MYZAP: variants seen among roughly 807,000 people sequenced by gnomAD.
MYZAP encodes myocardial zonula adherens protein.
MYZAP carries 66 observed loss-of-function variants against 69.4 expected under a neutral mutation model. The ratio of observed to expected loss-of-function variants is 0.95; its 90% CI spans 0.78 to 1.17. MYZAP has a LOEUF of 1.17. MYZAP is among the 50% of genes most tolerant of loss of function. The probability of loss-of-function intolerance (pLI) is 0.00; values close to 1 mark genes in which losing one functional copy is unlikely to be tolerated. For missense variants in MYZAP, 611 were observed against 556.2 expected (o/e 1.10, Z -0.99); for synonymous variants, 256 against 205.9 (o/e 1.24, Z -2.09).
intron 10 of MYZAP, among the ~76,000 whole-genome samples, chr15:57,650,432 A>G (rs1159333699): frequency 2.0e-5 from 3 of 152,166 alleles, no homozygotes; most frequent in Non-Finnish European, 4.4e-5. Flanking sequence ...ATTTAAACTC[A>G]TTTGAACTTG....
At chr15:57,605,890 T>A (rs76020636) in intron 2 of MYZAP, among the ~76,000 whole-genome samples, 259 of 151,828 alleles carry the variant, frequency 1.7e-3, no homozygotes, top group African/African-American at 6.0e-3. Flanking sequence ...AGCTGGAGCA[T>A]CAAAAAGAAT....
chr15:57,642,592 C>T (rs1255853847), intron 10 of MYZAP, among the ~76,000 whole-genome samples: 1 of 152,140 alleles, frequency 6.6e-6, no homozygotes, highest in East Asian at 1.9e-4. Flanking sequence ...GAAGTCTCGT[C>T]TCCATCCATT....
chr15:57,604,538 C>A (rs529197267), intron 2 of MYZAP, among the ~76,000 whole-genome samples, 183 bp downstream of exon 2: 1 of 152,152 alleles, frequency 6.6e-6, no homozygotes, highest in Non-Finnish European at 1.5e-5. Context: ...TCTCCCTAGC[C>A]GGCTCTGCCA....
intron 11 of MYZAP, among the ~76,000 whole-genome samples, chr15:57,673,798 G>A (rs908132170): frequency 6.6e-6 from 1 of 152,104 alleles, no homozygotes; most frequent in Admixed American, 6.6e-5. Context: ...ATGAGCTTCT[G>A]TCTCCATAGA....
chr15:57,628,486 C>G (rs2036291781), intron 5 of MYZAP, among the ~76,000 whole-genome samples: 1 of 152,046 alleles, frequency 6.6e-6, no homozygotes. Flanking sequence ...ACTCCAGGCT[C>G]AGGTGCTCCT....
At chr15:57,650,814 C>G (rs1177768579) in intron 10 of MYZAP, among the ~76,000 whole-genome samples, 1 of 151,950 alleles carries the variant, frequency 6.6e-6, no homozygotes, top group East Asian at 1.9e-4. Flanking sequence ...ACATGTCAGA[C>G]AAGATATAGA....
chr15:57,653,201 A>G (rs1241971576), intron 10 of MYZAP, among the ~76,000 whole-genome samples: 2 of 152,204 alleles, frequency 1.3e-5, no homozygotes, highest in African/African-American at 4.8e-5. Context: ...TGATTTTGAA[A>G]ACAATGAAAT....
At chr15:57,631,759 C>G (rs2036519999) in intron 6 of MYZAP, among the ~76,000 whole-genome samples, 1 of 152,204 alleles carries the variant, frequency 6.6e-6, no homozygotes, top group African/African-American at 2.4e-5. Context: ...AAGAATGCTT[C>G]CCTTTTCCAG....
intron 10 of MYZAP, among the ~76,000 whole-genome samples, chr15:57,654,002 CAAAAAAAAAAAAAAAA>C (rs398043344): frequency 2.8e-5 from 1 of 36,084 alleles, no homozygotes; most frequent in African/African-American, 1.3e-4. Context: ...CAAACGCTGT[CAAAAAAAAAAAAAAAA>C]AAAAAAAAAA....
chr15:57,619,292 T>C (rs148370484), intron 3 of MYZAP, among the ~76,000 whole-genome samples: 2,253 of 152,348 alleles, frequency 0.015, 30 homozygotes, highest in South Asian at 0.045. Flanking sequence ...ATAATGTATA[T>C]GACAGCCACC....
chr15:57,663,410 G>A (rs1048091118), intron 11 of MYZAP, among the ~76,000 whole-genome samples: 1 of 152,174 alleles, frequency 6.6e-6, no homozygotes, highest in African/African-American at 2.4e-5. Context: ...TCTGGGAGGC[G>A]ATCTCAGGAA....
chr15:57,626,121 C>A (rs1367782695), intron 5 of MYZAP, among the ~76,000 whole-genome samples: 1 of 152,166 alleles, frequency 6.6e-6, no homozygotes, highest in African/African-American at 2.4e-5. Context: ...GAAATTTAGA[C>A]CCCGAGTTTA....
intron 12 of MYZAP, among the ~76,000 whole-genome samples, chr15:57,681,196 T>G (rs1414206608): frequency 2.6e-5 from 4 of 152,212 alleles, no homozygotes; most frequent in Admixed American, 6.5e-5. Context: ...TTGGCACAAA[T>G]AGCCATCTGG....
At chr15:57,616,978 T>A (rs1276224413) in intron 2 of MYZAP, among the ~76,000 whole-genome samples, 1 of 151,792 alleles carries the variant, frequency 6.6e-6, no homozygotes. Flanking sequence ...TAGGGAAAAC[T>A]GAGAGAAGGT....
intron 10 of MYZAP, among the ~76,000 whole-genome samples, chr15:57,652,824 A>G (rs1403255076): frequency 1.3e-5 from 2 of 152,194 alleles, no homozygotes; most frequent in East Asian, 3.8e-4. Flanking sequence ...GGGGATCTTC[A>G]AAGTATTTCC....
intron 6 of MYZAP, among the ~76,000 whole-genome samples, chr15:57,631,541 G>T (rs1490513090): frequency 6.6e-6 from 1 of 151,548 alleles, no homozygotes; most frequent in Non-Finnish European, 1.5e-5. Flanking sequence ...TCCAGGGACA[G>T]AGCCCTTCCA....
rs1257382673 is a variant in MYZAP at position 57,592,135 on chromosome 15, G to A, written c.75+26G>A. On this transcript the variant is annotated intron_variant, in intron 1 of 12. Transcript: ENST00000267853. ...GTGAGTAGCGGGGGCGGGAGCCGCC[G>A]CCGTCCCGTTCCCCCATCCCGGCCG... The A allele has an allele frequency of 5.4e-6, 7 of 1,289,004 alleles. No individual in the cohort carries two copies. The African/African-American group carries it at 9.3e-5, about 17-fold the overall frequency. 79.8% of individuals were successfully genotyped at this position (1,289,004 alleles called of 1,614,324 possible). A position where few individuals can be genotyped will look rare whatever the true frequency, so the allele number is the denominator to read the frequency against.
chr15:57,665,366 C>G (rs145076082), intron 11 of MYZAP, among the ~76,000 whole-genome samples: 2 of 152,238 alleles, frequency 1.3e-5, no homozygotes, highest in African/African-American at 4.8e-5. Flanking sequence ...GGATTCATAT[C>G]AAGTCTTAGA....
intron 2 of MYZAP, among the ~76,000 whole-genome samples, chr15:57,615,301 A>G (rs1400014558): frequency 1.3e-5 from 2 of 152,246 alleles, no homozygotes; most frequent in Non-Finnish European, 2.9e-5. Context: ...TCTTCAAACA[A>G]AAAATGAAAA....
Sources: allele counts gnomAD v4.1 joint callset (sites outside exome capture counted in the v4.1 genomes callset), GRCh38; gene constraint gnomAD v4.1.1; transcripts MANE v1.5; gene names NCBI Gene and HGNC (gene_info 2026-07-23, HGNC 2026-07-21).